Variants in XKR6 observed in about 807,000 individuals in gnomAD.
XKR6 encodes the protein XK-related protein 6.
Under a neutral mutation model 56.7 loss-of-function variants are expected in XKR6, and 22 were observed. The ratio of observed to expected loss-of-function variants is 0.39; its 90% CI spans 0.28 to 0.55. The LOEUF (loss-of-function observed/expected upper bound fraction) is 0.55. Ranked by LOEUF, XKR6 falls within the 20% of genes least tolerant of loss-of-function variation. The pLI, the probability that XKR6 is intolerant of heterozygous loss-of-function variation, is 0.66. For synonymous variants in XKR6, 524 were observed against 387.8 expected (o/e 1.35, Z -4.13); for missense variants, 852 against 889.0 (o/e 0.96, Z 0.53).
At chr8:11,137,905 A>G in intron 1 of XKR6, 1 of 356,452 alleles carries the variant, frequency 2.8e-6, no homozygotes, top group South Asian at 2.2e-5. Flanking sequence ...ACTTAGGTCC[A>G]AAATCCTATT....
intron 1 of XKR6, among the ~76,000 whole-genome samples, chr8:11,144,736 A>G (rs1423934740): frequency 6.6e-6 from 1 of 152,072 alleles, no homozygotes; most frequent in African/African-American, 2.4e-5. Context: ...CCGTGCCTGA[A>G]ACATTCAAAC....
chr8:10,911,569 T>G (rs534227802), intron 2 of XKR6, among the ~76,000 whole-genome samples: 41 of 146,794 alleles, frequency 2.8e-4, no homozygotes, highest in African/African-American at 1.0e-3. Flanking sequence ...TATCTATATA[T>G]ATATAGAGAG....
At chr8:11,143,663 G>C (rs1388487478) in intron 1 of XKR6, among the ~76,000 whole-genome samples, 2 of 152,194 alleles carry the variant, frequency 1.3e-5, no homozygotes, top group Non-Finnish European at 2.9e-5. Context: ...AATCAGAAGA[G>C]TGGTTACTTT....
intron 1 of XKR6, among the ~76,000 whole-genome samples, chr8:11,115,471 A>T (rs1799126254): frequency 6.6e-6 from 1 of 152,242 alleles, no homozygotes; most frequent in Non-Finnish European, 1.5e-5. Context: ...TAATGAAGAC[A>T]AATATGTTAC....
At chr8:10,902,038 G>A (rs1353205063) in intron 2 of XKR6, among the ~76,000 whole-genome samples, 1 of 152,188 alleles carries the variant, frequency 6.6e-6, no homozygotes, top group African/African-American at 2.4e-5. Flanking sequence ...TTGAAGGCGG[G>A]TGTTCTGTTC....
intron 1 of XKR6, among the ~76,000 whole-genome samples, chr8:11,007,398 G>T (rs142650028): frequency 6.6e-6 from 1 of 152,142 alleles, no homozygotes; most frequent in Non-Finnish European, 1.5e-5. Context: ...AGCTTCTGTC[G>T]CTCAGCAGCA....
rs1051700061 is a variant in XKR6 at position 10,974,360 on chromosome 8, G to A, written c.765-49530C>T. Reference sequence around the variant, plus strand: ...TGGCCACAGTCACAGTGAGACCATTGCCAGCTAATTCTCTCCTGAGTTTCC... The same window carrying A: ...TGGCCACAGTCACAGTGAGACCATTACCAGCTAATTCTCTCCTGAGTTTCC... On this transcript the variant is annotated intron_variant, in intron 1 of 2. Transcript: ENST00000416569. Among the ~76,000 whole-genome samples, 6 of 152,318 alleles carry A rather than the reference G, an allele frequency of 3.9e-5. No homozygotes were observed. The South Asian group carries it at 6.2e-4, about 16-fold the overall frequency.
intron 1 of XKR6, among the ~76,000 whole-genome samples, chr8:11,119,458 G>A (rs1799340736): frequency 6.6e-6 from 1 of 152,146 alleles, no homozygotes; most frequent in Non-Finnish European, 1.5e-5. Flanking sequence ...CTCTTTGTAG[G>A]TCACTAAGGA....
At chr8:11,178,590 TAC>T (rs575943399) in intron 1 of XKR6, among the ~76,000 whole-genome samples, 6 of 122,662 alleles carry the variant, frequency 4.9e-5, no homozygotes, top group Admixed American at 7.8e-5. Context: ...ATATATGTAC[TAC>T]ACACACACAC....
chr8:10,972,860 C>T (rs770537614), intron 1 of XKR6, among the ~76,000 whole-genome samples: 1 of 152,182 alleles, frequency 6.6e-6, no homozygotes, highest in Non-Finnish European at 1.5e-5. Flanking sequence ...TTAAAATGGT[C>T]AATTTTATAC....
chr8:11,034,068 C>T (rs943041392), intron 1 of XKR6, among the ~76,000 whole-genome samples: 10 of 152,218 alleles, frequency 6.6e-5, no homozygotes, highest in Non-Finnish European at 1.2e-4. Flanking sequence ...CTGCAAAGCA[C>T]AGTCCACGAC....
intron 1 of XKR6, among the ~76,000 whole-genome samples, chr8:11,189,801 C>T (rs892708175): frequency 1.3e-5 from 2 of 152,158 alleles, no homozygotes; most frequent in Non-Finnish European, 2.9e-5. Context: ...ATTACAGTCT[C>T]TTATGGTAGA....
At chr8:11,002,977 G>T (rs150189944) in intron 1 of XKR6, among the ~76,000 whole-genome samples, 167 of 152,148 alleles carry the variant, frequency 1.1e-3, no homozygotes, top group African/African-American at 3.8e-3. Context: ...AGAGAAGGGG[G>T]GTCACTGGCT....
At chr8:10,964,655 C>T (rs1299824139) in intron 1 of XKR6, among the ~76,000 whole-genome samples, 1 of 152,186 alleles carries the variant, frequency 6.6e-6, no homozygotes, top group Non-Finnish European at 1.5e-5. Flanking sequence ...CCTGTCCCCG[C>T]CGTTCCTGGC....
intron 1 of XKR6, among the ~76,000 whole-genome samples, chr8:10,967,127 G>A (rs982186694): frequency 1.7e-4 from 26 of 152,334 alleles, no homozygotes; most frequent in African/African-American, 5.8e-4. Context: ...ATGACAGTGC[G>A]TGATCCTCGG....
Position 10,898,246 on chromosome 8 carries a change from G to C in XKR6, c.1632C>G (p.Thr544=), listed in dbSNP as rs151255540. The C allele has an allele frequency of 3.1e-6, 5 of 1,614,022 alleles. No homozygotes were observed. The highest frequency in any genetic ancestry group is 4.2e-6 in the Non-Finnish European group (5 of 1,180,028). ...CCTCCTGTTGTTCCGTTACGGCTCT[G>C]GTGGGCGTAACCTGGGTCCCCCGGT... ...PGYRGTQVTP[T]RAVTEQQEDL... The change falls in exon 3 of 3, where the codon ACC becomes ACG. Residue 544 remains threonine (T), a synonymous_variant. Coordinates refer to ENST00000416569, the MANE Select transcript of XKR6 (RefSeq NM_173683.4). The surrounding 1 kb of genome is among the most constrained non-coding windows in gnomAD (Gnocchi z 6.6).
At chr8:11,166,700 G>A (rs963756052) in intron 1 of XKR6, among the ~76,000 whole-genome samples, 4 of 152,024 alleles carry the variant, frequency 2.6e-5, no homozygotes, top group Non-Finnish European at 5.9e-5. Flanking sequence ...AGCCTCCCAA[G>A]TAGCTGGGAT....
intron 1 of XKR6, among the ~76,000 whole-genome samples, chr8:11,120,525 C>T (rs977566588): frequency 6.6e-5 from 10 of 151,832 alleles, no homozygotes; most frequent in African/African-American, 2.2e-4. Context: ...CACTGCTCAA[C>T]GAAATAAAAG....
intron 1 of XKR6, among the ~76,000 whole-genome samples, chr8:11,196,916 G>A (rs1425166873): frequency 1.3e-5 from 2 of 152,084 alleles, no homozygotes; most frequent in Admixed American, 6.5e-5. Flanking sequence ...GGAGGGCAGG[G>A]GAGTGATTAA....
Sources: gnomAD v4.1 joint callset for allele counts (sites outside exome capture counted in the v4.1 genomes callset) on GRCh38, gnomAD v4.1.1 for gene constraint, Gnocchi (gnomAD v3.1) non-coding constraint, MANE v1.5 for transcripts, NCBI Gene and HGNC (gene_info 2026-07-23, HGNC 2026-07-21) for gene names.